The following ADH4 variants were observed in gnomAD, a reference collection of about 807,000 sequenced individuals.
ADH4 encodes all-trans-retinol dehydrogenase [NAD(+)] ADH4.
ADH4 carries 31 observed loss-of-function variants against 35.2 expected under a neutral mutation model. The observed-to-expected ratio is 0.88, with a 90% CI of 0.66 to 1.19. The LOEUF is 1.19. ADH4 is among the 50% of genes most tolerant of loss of function. The pLI is 0.00. For synonymous variants in ADH4, 171 were observed against 160.2 expected, an observed-to-expected ratio of 1.07 and a Z score of -0.51; for missense variants, 476 against 458.3, an observed-to-expected ratio of 1.04 and a Z score of -0.35.
intron 8 of ADH4, among the ~76,000 whole-genome samples, chr4:99,125,860 G>A (rs1729070085): frequency 6.6e-6 from 1 of 152,004 alleles, no homozygotes. Context: ...CCTCTCTTTT[G>A]TTGTATCTTC....
intron 4 of ADH4, among the ~76,000 whole-genome samples, chr4:99,137,551 C>G (rs904882249): frequency 7.9e-5 from 12 of 152,174 alleles, no homozygotes; most frequent in Admixed American, 1.3e-4. Flanking sequence ...CATGACCCAC[C>G]GCACCCGGCC....
intron 6 of ADH4, among the ~76,000 whole-genome samples, chr4:99,129,328 G>A (rs1039806605): frequency 6.6e-6 from 1 of 151,948 alleles, no homozygotes; most frequent in African/African-American, 2.4e-5. Flanking sequence ...GAAAAAATTA[G>A]GATAAGTCAG....
rs371186714 is a variant in ADH4, at chr4:99,136,513, C to T, written c.535G>A (p.Gly179Arg). 1.5e-5 allele frequency: 24 copies of T among 1,614,058 alleles called. No individual in the cohort carries two copies. Among genetic ancestry groups the T allele is most frequent in the Non-Finnish European group, 1.9e-5 (22 of 1,179,998 alleles). ...DANLERVCLL[G>R]CGFSTGYGAA... is the part of the protein sequence containing the mutation. The stretch of plus-strand genomic sequence containing the variant: ...CCATAGCCAGTTGAAAACCCACATC[C>T]AAGCAGACAAACTCTCTCTAAATTT... Residue 179 changes from glycine (G) to arginine (R), a missense_variant, in exon 5 of 9, where the codon GGA (glycine) becomes AGA (arginine). Physicochemically the swap from Gly to Arg is moderately radical, Grantham distance 125. Transcript: ENST00000265512.
chr4:99,128,361 A>G (rs1460904938), intron 6 of ADH4, among the ~76,000 whole-genome samples: 3 of 152,198 alleles, frequency 2.0e-5, no homozygotes, highest in Admixed American at 1.3e-4. Flanking sequence ...GCTTGAGCCC[A>G]GGAGGTGGAG....
chr4:99,128,533 G>T (rs528928862), intron 6 of ADH4, among the ~76,000 whole-genome samples: 12 of 152,134 alleles, frequency 7.9e-5, no homozygotes, highest in Admixed American at 1.3e-4. Context: ...AAATGAAAAA[G>T]TATATGTAAA....
chr4:99,131,135 G>A (rs1318512024), intron 6 of ADH4, among the ~76,000 whole-genome samples: 1 of 152,022 alleles, frequency 6.6e-6, no homozygotes, highest in Non-Finnish European at 1.5e-5. Context: ...TGTCTCCAAG[G>A]AATAGGAATT....
In ADH4 at chr4:99,127,192, A is replaced by G; in HGVS notation, c.979+17T>C. On this transcript the variant is annotated intron_variant, in intron 7 of 8. Coordinates refer to ENST00000265512, the MANE Select transcript of ADH4 (RefSeq NM_000670.5). ...CTAGGAAAAGAATTTAAAGCTATGA[A>G]GAAAAAAAAAACTGACCACCAAAGA... 1 of 1,579,108 alleles carries G rather than the reference A, an allele frequency of 6.3e-7. No individual in the cohort carries two copies. The highest frequency in any genetic ancestry group is 1.2e-5 in the South Asian group (1 of 84,462).
At chr4:99,135,941 G>C (rs997721688) in intron 5 of ADH4, among the ~76,000 whole-genome samples, 1 of 152,118 alleles carries the variant, frequency 6.6e-6, no homozygotes, top group Non-Finnish European at 1.5e-5. Flanking sequence ...GGACACATCT[G>C]GTCAACATTA....
At chr4:99,125,612 T>A (rs890966006) in intron 8 of ADH4, among the ~76,000 whole-genome samples, 1 of 152,196 alleles carries the variant, frequency 6.6e-6, no homozygotes, top group Non-Finnish European at 1.5e-5. Flanking sequence ...ATATACTAAG[T>A]TTACATGGTG....
intron 6 of ADH4, 56 bp downstream of exon 6, chr4:99,131,448 T>A (rs1335622762): frequency 1.0e-5 from 16 of 1,564,808 alleles, no homozygotes; most frequent in Non-Finnish European, 1.3e-5. Context: ...TTTCCCCTAT[T>A]ATTTGACAGC....
chr4:99,125,036 T>C (rs1729041161), intron 8 of ADH4, among the ~76,000 whole-genome samples: 1 of 152,226 alleles, frequency 6.6e-6, no homozygotes, highest in African/African-American at 2.4e-5. Flanking sequence ...CACCCAGGAC[T>C]GGAAGACACC....
rs996291980 is a variant in ADH4, at chr4:99,124,031, C to A, written c.*411G>T. 5.4e-6 allele frequency: 1 copy of A among 184,460 alleles called. No individual in the cohort carries two copies. The highest frequency in any genetic ancestry group is 1.1e-5 in the Non-Finnish European group (1 of 90,940). 11.4% of individuals were successfully genotyped at this position (184,460 alleles called of 1,614,324 possible). On this transcript the variant is annotated 3_prime_UTR_variant, in exon 9 of 9. Coordinates refer to ENST00000265512, the MANE Select transcript of ADH4 (RefSeq NM_000670.5). Reference sequence around the variant, plus strand: ...CCATCATGTGTCCATGTGTTCTCATCATTTAGCTCCCAGAAAATTTTCAAC... The same window carrying A: ...CCATCATGTGTCCATGTGTTCTCATAATTTAGCTCCCAGAAAATTTTCAAC...
chr4:99,141,187 C>T (rs35882815), intron 3 of ADH4, among the ~76,000 whole-genome samples: 24,504 of 152,106 alleles, frequency 0.16, 2,795 homozygotes, highest in African/African-American at 0.29. Context: ...TAATGGCTGA[C>T]AGCTTCATCC....
At chr4:99,133,115 G>A (rs1039748109) in intron 5 of ADH4, among the ~76,000 whole-genome samples, 1 of 152,152 alleles carries the variant, frequency 6.6e-6, no homozygotes, top group Non-Finnish European at 1.5e-5. Flanking sequence ...TCCCATTGCA[G>A]CAATGTAACT....
chr4:99,125,383 G>T (rs1000781493), intron 8 of ADH4, among the ~76,000 whole-genome samples: 1 of 152,274 alleles, frequency 6.6e-6, no homozygotes, highest in East Asian at 1.9e-4. Flanking sequence ...GGAGAATGTG[G>T]GAGACTTGCC....
chr4:99,130,928 G>A (rs1488227369), intron 6 of ADH4, among the ~76,000 whole-genome samples: 1 of 151,986 alleles, frequency 6.6e-6, no homozygotes, highest in Non-Finnish European at 1.5e-5. Context: ...ATTAACAAAT[G>A]TTAATATTAA....
At chr4:99,143,797 CT>C (rs1374062851) in intron 1 of ADH4, among the ~76,000 whole-genome samples, 1 of 152,092 alleles carries the variant, frequency 6.6e-6, no homozygotes, top group African/African-American at 2.4e-5. Flanking sequence ...CCACTTTATG[CT>C]TTTGATGCAG....
chr4:99,129,987 G>T (rs1729223616), intron 6 of ADH4, among the ~76,000 whole-genome samples: 1 of 152,056 alleles, frequency 6.6e-6, no homozygotes, highest in South Asian at 2.1e-4. Flanking sequence ...CACACTACCA[G>T]TTTTTCTTTC....
chr4:99,126,472 A>C (rs1224151084), intron 8 of ADH4, 122 bp downstream of exon 8: 15 of 966,756 alleles, frequency 1.6e-5, no homozygotes, highest in Non-Finnish European at 2.3e-5. Context: ...TTTTAAGCAC[A>C]TCTAGTACCT....
Sources: gnomAD v4.1 joint callset for allele counts (sites outside exome capture counted in the v4.1 genomes callset) on GRCh38, gnomAD v4.1.1 for gene constraint, MANE v1.5 for transcripts, NCBI Gene and HGNC (gene_info 2026-07-23, HGNC 2026-07-21) for gene names.